The following SANBR variants were observed in gnomAD, a reference collection of about 807,000 sequenced individuals.
SANBR encodes SANT and BTB domain regulator of class switch recombination.
SANBR carries 77 observed loss-of-function variants against 101.8 expected under a neutral mutation model. That is an observed-to-expected ratio of 0.76 (90% CI 0.63 to 0.91). The LOEUF is 0.91. Among genes scored for constraint, SANBR ranks in the 40% least tolerant of loss-of-function variants. The probability of loss-of-function intolerance (pLI) is 0.00; values close to 1 mark genes in which losing one functional copy is unlikely to be tolerated. For synonymous variants in SANBR, 279 were observed against 274.7 expected (o/e 1.02, Z -0.15); for missense variants, 875 against 853.0 (o/e 1.03, Z -0.32).
At chr2:61,083,072 T>C in intron 7 of SANBR, 82 bp from the exon 8 acceptor site, 1 of 1,121,700 alleles carries the variant, frequency 8.9e-7, no homozygotes. Context: ...AGACTTTTAA[T>C]GAATTTTATC....
At chr2:61,132,945 A>G (rs1311530746) in intron 20 of SANBR, among the ~76,000 whole-genome samples, 2 of 152,226 alleles carry the variant, frequency 1.3e-5, no homozygotes. Flanking sequence ...AGCAACAGAA[A>G]GCAAATTATA....
intron 20 of SANBR, among the ~76,000 whole-genome samples, chr2:61,132,635 G>T (rs565293800): frequency 6.6e-6 from 1 of 152,242 alleles, no homozygotes; most frequent in Admixed American, 6.5e-5. Context: ...TAAACATATA[G>T]AGTTACCATA....
intron 21 of SANBR, among the ~76,000 whole-genome samples, chr2:61,121,839 A>G (rs553793928): frequency 1.3e-5 from 2 of 152,304 alleles, no homozygotes; most frequent in South Asian, 4.1e-4. Context: ...ACTTGCACTG[A>G]GCTGCTGTGA....
chr2:61,083,370 C>A, intron 8 of SANBR, 56 bp downstream of exon 8: 1 of 1,046,776 alleles, frequency 9.6e-7, no homozygotes, highest in Non-Finnish European at 1.4e-6. Context: ...AAATATATTT[C>A]TATTTCATGT....
chr2:61,083,865 T>C (rs1682278373), intron 8 of SANBR, among the ~76,000 whole-genome samples: 1 of 149,660 alleles, frequency 6.7e-6, no homozygotes, highest in South Asian at 2.1e-4. Context: ...CGAGACTCCG[T>C]CTCAAAAAAA....
chr2:61,118,807 G>A (rs1448768308), intron 20 of SANBR, among the ~76,000 whole-genome samples: 3 of 151,708 alleles, frequency 2.0e-5, no homozygotes, highest in Non-Finnish European at 4.4e-5. Flanking sequence ...TGATCTGCCC[G>A]CCTCAGCCTC....
downstream of SANBR, among the ~76,000 whole-genome samples, chr2:61,127,047 T>C (rs1315823053): frequency 6.6e-6 from 1 of 152,220 alleles, no homozygotes; most frequent in Admixed American, 6.5e-5. Context: ...TCATAGTTTA[T>C]TTCTGTGCAT....
In SANBR at chr2:61,104,916, A is replaced by G. The variant is rs140857772; in HGVS notation, c.1511+918A>G. On this transcript the variant is annotated intron_variant, in intron 13 of 21. Transcript: ENST00000402291. ...AAACCCCATGATCATTGATCAACCAATTGATTGTATCAATCAATGCATGAT... is the reference window on the plus strand; with the variant it reads ...AAACCCCATGATCATTGATCAACCAGTTGATTGTATCAATCAATGCATGAT... Among the ~76,000 whole-genome samples the G allele has an allele frequency of 2.8e-3, 417 of 148,722 alleles. 2 individuals carry two copies. The highest frequency in any genetic ancestry group is 8.7e-3 in the African/African-American group (351 of 40,322).
chr2:61,083,042 T>A (rs1682223183), intron 7 of SANBR, 112 bp from the exon 8 acceptor site: 3 of 832,316 alleles, frequency 3.6e-6, no homozygotes, highest in Non-Finnish European at 5.7e-6. Context: ...ACCCAGTTAG[T>A]GCCTAGCAAT....
At position 61,123,364 on chromosome 2, in the gene SANBR, A is replaced by G. The variant is rs767483957; in HGVS notation, c.*1202A>G. 286 of 978,636 alleles carry G rather than the reference A, an allele frequency of 2.9e-4. 3 individuals carry two copies. The highest frequency in any genetic ancestry group is 1.8e-4 in the Admixed American group (3 of 16,254). 60.6% of individuals were successfully genotyped at this position (978,636 alleles called of 1,614,324 possible). ...AATATTGAAGTGTTACACTCAGTTT[A>G]CACGTACAGAAATCATTCTTTTTAG... On this transcript the variant is annotated 3_prime_UTR_variant, in exon 22 of 22. Coordinates refer to ENST00000402291, the MANE Select transcript of SANBR (RefSeq NM_001129993.3).
intron 12 of SANBR, among the ~76,000 whole-genome samples, chr2:61,102,139 C>T (rs745662943): frequency 4.6e-5 from 7 of 151,722 alleles, no homozygotes; most frequent in African/African-American, 9.7e-5. Flanking sequence ...TTTGGGAGGC[C>T]GAGGCGGTCA....
downstream of SANBR, among the ~76,000 whole-genome samples, chr2:61,126,121 T>C (rs1177289): frequency 0.61 from 93,032 of 152,064 alleles, 30,246 homozygotes; most frequent in African/African-American, 0.84. Context: ...TTGTGATATC[T>C]CTTCCCATTC....
intron 16 of SANBR, among the ~76,000 whole-genome samples, chr2:61,115,270 TTC>T (rs1199844980): frequency 9.2e-5 from 14 of 152,136 alleles, no homozygotes; most frequent in African/African-American, 2.6e-4. Context: ...TTTTGATAAT[TTC>T]TGTCTTTCAA....
chr2:61,118,048 A>G lies in SANBR; in HGVS notation c.1960A>G (p.Ile654Val). 6.2e-7 allele frequency: 1 copy of G among 1,613,578 alleles called. No individual in the cohort carries two copies. The highest frequency in any genetic ancestry group is 8.5e-7 in the Non-Finnish European group (1 of 1,179,752). The change falls in exon 20 of 22, where the codon ATT (isoleucine) becomes GTT (valine). Residue 654 changes from isoleucine to valine, a missense_variant. Ile to Val is a conservative substitution (Grantham distance 29, BLOSUM62 3). Transcript: ENST00000402291. Reference sequence around the variant, plus strand: ...TTCAGATCAACGGCGAATGACTGAAATTACAGGGCACCTAATAAAAATGAG... The same window carrying G: ...TTCAGATCAACGGCGAATGACTGAAGTTACAGGGCACCTAATAAAAATGAG... ...REDDQRRMTE[I>V]TGHLIKMRLG...
At chr2:61,096,169 A>G (rs1683020490) in intron 11 of SANBR, among the ~76,000 whole-genome samples, 1 of 152,134 alleles carries the variant, frequency 6.6e-6, no homozygotes, top group Non-Finnish European at 1.5e-5. Flanking sequence ...TCCTTTCTAG[A>G]TAAAATGGTT....
At chr2:61,093,305 A>G (rs1339335339) in intron 11 of SANBR, 1 of 152,078 alleles carries the variant, frequency 6.6e-6, no homozygotes, top group Non-Finnish European at 1.5e-5. Context: ...TAGAAAAGCA[A>G]CAGGTTTTGG....
intron 12 of SANBR, among the ~76,000 whole-genome samples, chr2:61,098,324 G>A (rs893069079): frequency 2.0e-5 from 3 of 152,056 alleles, no homozygotes; most frequent in Non-Finnish European, 2.9e-5. Flanking sequence ...GGCTGGTCTC[G>A]AACTCATGAG....
chr2:61,109,568 G>A (rs1412827907), intron 16 of SANBR, among the ~76,000 whole-genome samples: 2 of 151,416 alleles, frequency 1.3e-5, no homozygotes, highest in African/African-American at 4.9e-5. Context: ...GATGAAATGT[G>A]ATCTGAGACG....
chr2:61,070,580 A>G (rs1253775242), intron 3 of SANBR, 80 bp downstream of exon 3: 5 of 1,347,636 alleles, frequency 3.7e-6, no homozygotes, highest in Non-Finnish European at 5.1e-6. Flanking sequence ...AAGAGAGAGA[A>G]AAATATTTGA....
Sources: gnomAD v4.1 joint callset for allele counts (sites outside exome capture counted in the v4.1 genomes callset) on GRCh38, gnomAD v4.1.1 for gene constraint, MANE v1.5 for transcripts, NCBI Gene and HGNC (gene_info 2026-07-23, HGNC 2026-07-21) for gene names.